The following GOLIM4 variants were observed in gnomAD, a reference collection of about 807,000 sequenced individuals.
The protein encoded by GOLIM4 is golgi integral membrane protein 4.
GOLIM4 carries 71 observed loss-of-function variants against 107.4 expected under a neutral mutation model. That is an observed-to-expected ratio of 0.66 (90% CI 0.55 to 0.81). GOLIM4 has a LOEUF of 0.81. Among genes scored for constraint, GOLIM4 ranks in the 30% least tolerant of loss-of-function variants. The probability of loss-of-function intolerance (pLI) is 0.00; values close to 1 mark genes in which losing one functional copy is unlikely to be tolerated. For missense variants in GOLIM4, 830 were observed against 826.1 expected (o/e 1.00, Z -0.06); for synonymous variants, 327 against 294.8 (o/e 1.11, Z -1.12).
chr3:168,034,976 A>G (rs1718563940), intron 8 of GOLIM4, among the ~76,000 whole-genome samples: 1 of 145,956 alleles, frequency 6.9e-6, no homozygotes, highest in Non-Finnish European at 1.5e-5. Flanking sequence ...AGTCTAGGGT[A>G]TGTCTTTATG....
chr3:168,041,014 G>A (rs574309169), intron 6 of GOLIM4, 145 bp from the exon 7 acceptor site: 1 of 602,668 alleles, frequency 1.7e-6, no homozygotes, highest in South Asian at 2.0e-5. Flanking sequence ...AATCATCGTA[G>A]AGAGAACACT....
At chr3:168,022,354 A>G (rs1717750972) in intron 14 of GOLIM4, among the ~76,000 whole-genome samples, 1 of 152,088 alleles carries the variant, frequency 6.6e-6, no homozygotes, top group South Asian at 2.1e-4. Context: ...AAACAACAAC[A>G]ACAATAATGC....
chr3:168,010,161 A>G lies in GOLIM4; in HGVS notation c.*108T>C. 1.0e-6 allele frequency: 1 copy of G among 1,001,110 alleles called. No homozygotes were observed. The highest frequency in any genetic ancestry group is 1.4e-6 in the Non-Finnish European group (1 of 692,230). 62.0% of individuals were successfully genotyped at this position (1,001,110 alleles called of 1,614,324 possible). ...AATACAAAAGTTTTAAAAAAGTCTA[A>G]GTTCTTAATTTTTGTAATTAAATAT... On this transcript the variant is annotated 3_prime_UTR_variant, in exon 16 of 16. Transcript: ENST00000470487.
At chr3:168,070,603 T>G (rs546264972) in intron 1 of GOLIM4, among the ~76,000 whole-genome samples, 1 of 152,162 alleles carries the variant, frequency 6.6e-6, no homozygotes, top group Non-Finnish European at 1.5e-5. Flanking sequence ...AAAACCCAAA[T>G]GAATTGTTTT....
At chr3:168,032,467 A>G (rs1402713555) in intron 9 of GOLIM4, 53 bp downstream of exon 9, 5 of 1,287,266 alleles carry the variant, frequency 3.9e-6, no homozygotes, top group Non-Finnish European at 5.6e-6. Flanking sequence ...ATGTAAAAAT[A>G]AAGCCAGGTT....
intron 14 of GOLIM4, among the ~76,000 whole-genome samples, chr3:168,017,214 G>A (rs113156663): frequency 0.057 from 8,615 of 152,150 alleles, 278 homozygotes; most frequent in Non-Finnish European, 0.07. Flanking sequence ...CTGGCCAGGC[G>A]TGGTGGCTCA....
In GOLIM4 at chr3:168,032,691, C is replaced by T. The variant is rs141130809; in HGVS notation, c.1005G>A (p.Val335=). 1.1e-3 allele frequency: 1,853 copies of T among 1,614,084 alleles called. 23 individuals carry two copies. The South Asian group carries it at 0.016, about 14-fold the overall frequency. The change falls in exon 9 of 16, where the codon GTG becomes GTA. Residue 335 remains valine, a synonymous_variant. Transcript: ENST00000470487. ...VERREPEEHQ[V]EEEHRKALEE... Reference sequence around the variant, plus strand: ...CCAGGGCCTTTCTGTGCTCCTCTTCCACCTGATGCTCCTCAGGTTCTCTGC... The same window carrying T: ...CCAGGGCCTTTCTGTGCTCCTCTTCTACCTGATGCTCCTCAGGTTCTCTGC...
intron 1 of GOLIM4, among the ~76,000 whole-genome samples, chr3:168,067,289 G>A (rs1560100978): frequency 6.6e-6 from 1 of 151,944 alleles, no homozygotes; most frequent in Non-Finnish European, 1.5e-5. Flanking sequence ...ATTTATGAAT[G>A]AAGAATACTA....
chr3:168,083,714 A>T (rs1721484090), intron 1 of GOLIM4, among the ~76,000 whole-genome samples: 1 of 152,198 alleles, frequency 6.6e-6, no homozygotes, highest in South Asian at 2.1e-4. Context: ...TTAGCTTATG[A>T]CAACTTTGGG....
At chr3:168,069,722 C>G in intron 1 of GOLIM4, among the ~76,000 whole-genome samples, 1 of 152,164 alleles carries the variant, frequency 6.6e-6, no homozygotes, top group East Asian at 1.9e-4. Flanking sequence ...ATGGAAACAG[C>G]AGCCTTTCAA....
intron 14 of GOLIM4, among the ~76,000 whole-genome samples, chr3:168,020,736 CTTAG>C (rs763051077): frequency 1.3e-5 from 2 of 152,124 alleles, no homozygotes; most frequent in African/African-American, 2.4e-5. Context: ...AGAACAAACT[CTTAG>C]TTAAATACAC....
intron 14 of GOLIM4, among the ~76,000 whole-genome samples, chr3:168,022,288 G>C (rs1388744474): frequency 6.6e-6 from 1 of 151,754 alleles, no homozygotes; most frequent in Non-Finnish European, 1.5e-5. Context: ...TTGCATTCTA[G>C]TGGTTAGCTG....
intron 14 of GOLIM4, among the ~76,000 whole-genome samples, chr3:168,011,409 G>C (rs139740841): frequency 2.2e-4 from 33 of 151,946 alleles, no homozygotes; most frequent in African/African-American, 7.5e-4. Context: ...ACAGAATCTC[G>C]CTGATTGCCA....
chr3:168,054,696 G>A (rs1719847237), intron 1 of GOLIM4, among the ~76,000 whole-genome samples: 1 of 151,608 alleles, frequency 6.6e-6, no homozygotes, highest in Non-Finnish European at 1.5e-5. Flanking sequence ...TTAATTCCCT[G>A]TCTATCACAA....
chr3:168,041,565 T>C, intron 5 of GOLIM4, 91 bp from the exon 6 acceptor site: 1 of 639,626 alleles, frequency 1.6e-6, no homozygotes, highest in Non-Finnish European at 2.7e-6. Flanking sequence ...ACCTATAACT[T>C]ATTTTAGAAT....
At chr3:168,071,701 C>A (rs1323201211) in intron 1 of GOLIM4, among the ~76,000 whole-genome samples, 1 of 151,666 alleles carries the variant, frequency 6.6e-6, no homozygotes, top group African/African-American at 2.4e-5. Context: ...GATTTTGCTA[C>A]TGAATGAGTC....
chr3:168,044,162 T>A (rs536488625), intron 4 of GOLIM4, among the ~76,000 whole-genome samples: 2 of 152,294 alleles, frequency 1.3e-5, no homozygotes, highest in Non-Finnish European at 2.9e-5. Context: ...TAAGAAAAGA[T>A]TCCGGTTTCA....
intron 8 of GOLIM4, among the ~76,000 whole-genome samples, chr3:168,036,596 C>A (rs2108237134): frequency 6.6e-6 from 1 of 152,256 alleles, no homozygotes; most frequent in East Asian, 1.9e-4. Flanking sequence ...GCTACTCAGA[C>A]CAGCTAAATC....
intron 14 of GOLIM4, 22 bp from the exon 15 acceptor site, chr3:168,010,845 A>G: frequency 6.6e-7 from 1 of 1,503,926 alleles, no homozygotes; most frequent in Admixed American, 1.7e-5. Flanking sequence ...CACAGATATC[A>G]TTTAAACACT....
Sources: allele counts gnomAD v4.1 joint callset (sites outside exome capture counted in the v4.1 genomes callset), GRCh38; gene constraint gnomAD v4.1.1; transcripts MANE v1.5; gene names NCBI Gene and HGNC (gene_info 2026-07-23, HGNC 2026-07-21).